ZNF573: variants seen among roughly 807,000 people sequenced by gnomAD.
ZNF573 encodes zinc finger protein 573.
In ZNF573, 41 loss-of-function variants were observed where a neutral mutation model predicts 57.4. The ratio of observed to expected loss-of-function variants is 0.71; its 90% CI spans 0.56 to 0.93. The LOEUF is 0.93. ZNF573 is among the 40% of genes least tolerant of loss of function. ZNF573 has a pLI of 0.00. For synonymous variants in ZNF573, 249 were observed against 261.0 expected, an observed-to-expected ratio of 0.95 and a Z score of 0.44; for missense variants, 730 against 794.8, an observed-to-expected ratio of 0.92 and a Z score of 0.98.
chr19:37,769,976 G>A, intron 4 of ZNF573, 29 bp downstream of exon 4: 1 of 1,526,412 alleles, frequency 6.6e-7, no homozygotes, highest in South Asian at 1.2e-5. Flanking sequence ...GCTGTGGCCG[G>A]CCCTGATGGT....
At chr19:37,758,208 T>A (rs368160230) in intron 4 of ZNF573, among the ~76,000 whole-genome samples, 2,043 of 4,204 alleles carry the variant, frequency 0.49, 226 homozygotes, top group Non-Finnish European at 0.54. Flanking sequence ...ATAAAATATA[T>A]ATATATATAT....
chr19:37,770,123 G>A, intron 3 of ZNF573, 26 bp from the exon 4 acceptor site: 1 of 1,494,992 alleles, frequency 6.7e-7, no homozygotes, highest in Non-Finnish European at 9.0e-7. Context: ...ATGCCACATG[G>A]TATAAAAATA....
intron 3 of ZNF573, among the ~76,000 whole-genome samples, chr19:37,771,094 T>G (rs1422095021): frequency 6.6e-6 from 1 of 151,182 alleles, no homozygotes; most frequent in Non-Finnish European, 1.5e-5. Context: ...CCAATAAATA[T>G]TGTTCATCTA....
intron 4 of ZNF573, among the ~76,000 whole-genome samples, chr19:37,750,634 G>A (rs2045424559): frequency 6.6e-6 from 1 of 151,894 alleles, no homozygotes; most frequent in Non-Finnish European, 1.5e-5. Context: ...AAAAATTTTA[G>A]CAATTGTATA....
chr19:37,767,374 G>A (rs1201134311), intron 4 of ZNF573, among the ~76,000 whole-genome samples: 1 of 151,904 alleles, frequency 6.6e-6, no homozygotes, highest in Non-Finnish European at 1.5e-5. Context: ...GACTACAGGC[G>A]CCCGCCACCA....
chr19:37,764,793 C>T (rs1364219378), intron 4 of ZNF573, among the ~76,000 whole-genome samples: 12 of 151,262 alleles, frequency 7.9e-5, no homozygotes, highest in Admixed American at 2.0e-4. Flanking sequence ...TTTGTAGAGA[C>T]GGGGTTTCAC....
At chr19:37,743,056 T>G (rs1490052174) in intron 4 of ZNF573, among the ~76,000 whole-genome samples, 1 of 152,094 alleles carries the variant, frequency 6.6e-6, no homozygotes, top group Non-Finnish European at 1.5e-5. Flanking sequence ...CGGTGGCTCA[T>G]GCCTGTAATC....
intron 1 of ZNF573, among the ~76,000 whole-genome samples, chr19:37,777,738 T>TAA (rs34200330): frequency 1.4e-3 from 147 of 108,472 alleles, no homozygotes; most frequent in East Asian, 5.2e-3. Flanking sequence ...GCCTTTGTCA[T>TAA]AAAAAAAAAA....
At chr19:37,771,077 T>A (rs2045654527) in intron 3 of ZNF573, among the ~76,000 whole-genome samples, 1 of 151,294 alleles carries the variant, frequency 6.6e-6, no homozygotes, top group Non-Finnish European at 1.5e-5. Context: ...TGTGGACTCT[T>A]CAGTTTCCAA....
chr19:37,771,597 T>C lies in ZNF573; in HGVS notation c.169A>G (p.Met57Val), dbSNP rs1447770127. The C allele has an allele frequency of 1.2e-6, 2 of 1,608,650 alleles. No homozygotes were observed. Among genetic ancestry groups the C allele is most frequent in the South Asian group, 2.2e-5 (2 of 90,570 alleles). ...PNQRDLYRDV[M>V]LENYRNLVSL... ...ACCAGGTTTCTATAGTTCTCCAACA[T>C]CACATCCCTGTATAAGTCCCTCTGA... The change falls in exon 3 of 5, where the codon ATG becomes GTG. Residue 57 changes from methionine (M) to valine (V), a missense_variant. By Grantham distance (21) the Met-to-Val change is conservative (BLOSUM62 1). Coordinates refer to ENST00000536220, the MANE Select transcript of ZNF573 (RefSeq NM_001172690.2).
chr19:37,757,971 C>T (rs1398887178), intron 4 of ZNF573, among the ~76,000 whole-genome samples: 2 of 151,206 alleles, frequency 1.3e-5, no homozygotes, highest in African/African-American at 2.4e-5. Context: ...CATATTCTCA[C>T]TCATAGGTGG....
chr19:37,738,467 T>C lies in ZNF573; in HGVS notation c.*25A>G, dbSNP rs1366265810. ...CCAGTGTGGGCTGTCTGATGATGAATGGCGCGCTCGTACTCTTTACGGTCT... is the reference window on the plus strand; with the variant it reads ...CCAGTGTGGGCTGTCTGATGATGAACGGCGCGCTCGTACTCTTTACGGTCT... On this transcript the variant is annotated 3_prime_UTR_variant, in exon 5 of 5. Transcript: ENST00000536220. 3 of 1,500,960 alleles carry C rather than the reference T, an allele frequency of 2.0e-6. No individual in the cohort carries two copies. Among genetic ancestry groups the C allele is most frequent in the Non-Finnish European group, 2.7e-6 (3 of 1,126,204 alleles). The allele number at this position is 1,500,960 out of a possible 1,614,324, so 93.0% of individuals were successfully genotyped here.
chr19:37,761,371 G>GT (rs1455923549), intron 4 of ZNF573, among the ~76,000 whole-genome samples: 4 of 152,064 alleles, frequency 2.6e-5, no homozygotes, highest in African/African-American at 4.8e-5. Context: ...AGAAGCAAAA[G>GT]TTTTTTCTCG....
At chr19:37,765,446 C>G (rs927879950) in intron 4 of ZNF573, among the ~76,000 whole-genome samples, 3 of 152,110 alleles carry the variant, frequency 2.0e-5, no homozygotes, top group African/African-American at 7.2e-5. Flanking sequence ...AGTGGTGGCT[C>G]ATGACTGTAA....
intron 1 of ZNF573, among the ~76,000 whole-genome samples, chr19:37,778,267 G>T (rs1207870293): frequency 6.7e-6 from 1 of 148,504 alleles, no homozygotes; most frequent in African/African-American, 2.5e-5. Context: ...TGTAATCCCA[G>T]CACTTTGGGA....
chr19:37,738,762 A>G lies in ZNF573; in HGVS notation c.1728T>C (p.His576=), dbSNP rs1234506929. ...SSHLTAHQSI[H]ADKKPYECKE... is the part of the protein sequence containing the mutation. ...TACATTCATAGGGTTTTTTATCAGC[A>G]TGAATGCTCTGATGTGCAGTAAGGT... Residue 576 remains histidine (H), a synonymous_variant, in exon 5 of 5, where the codon CAT becomes CAC. Coordinates refer to ENST00000536220, the MANE Select transcript of ZNF573 (RefSeq NM_001172690.2). 3 of 1,614,086 alleles carry G rather than the reference A, an allele frequency of 1.9e-6. No individual in the cohort carries two copies. The highest frequency in any genetic ancestry group is 2.5e-6 in the Non-Finnish European group (3 of 1,180,006).
rs564143208 is a variant in ZNF573, at chr19:37,738,609, T to C, written c.1881A>G (p.Gln627=). 7.4e-6 allele frequency: 12 copies of C among 1,611,510 alleles called. No individual in the cohort carries two copies. The African/African-American group carries it at 9.3e-5, about 13-fold the overall frequency. Residue 627 remains glutamine (Q), a synonymous_variant, in exon 5 of 5, where the codon CAA becomes CAG. Transcript: ENST00000536220. ...TCTCACCAGTATGAATTCTCTCATG[T>C]TGAACAAGGTTTGAAGCACGACTGA... ...KAFSRASNLV[Q]HERIHTGEKP...
chr19:37,745,624 G>A (rs1390141308), intron 4 of ZNF573, among the ~76,000 whole-genome samples: 1 of 151,586 alleles, frequency 6.6e-6, no homozygotes, highest in African/African-American at 2.4e-5. Flanking sequence ...TGAAACTCCT[G>A]AACTCAAATG....
intron 1 of ZNF573, among the ~76,000 whole-genome samples, chr19:37,775,104 G>A (rs1050942151): frequency 6.6e-6 from 1 of 151,098 alleles, no homozygotes; most frequent in African/African-American, 2.4e-5. Flanking sequence ...GCAAACTCAG[G>A]CTTCTGGGTT....
Sources: gnomAD v4.1 joint callset for allele counts (sites outside exome capture counted in the v4.1 genomes callset) on GRCh38, gnomAD v4.1.1 for gene constraint, MANE v1.5 for transcripts, NCBI Gene and HGNC (gene_info 2026-07-23, HGNC 2026-07-21) for gene names.